The following ZFC3H1 variants were observed in gnomAD, a reference collection of about 807,000 sequenced individuals.
ZFC3H1 encodes the protein zinc finger C3H1-type containing.
ZFC3H1 carries 71 observed loss-of-function variants against 243.7 expected under a neutral mutation model. The observed-to-expected ratio is 0.29, with a 90% CI of 0.24 to 0.36. The LOEUF (loss-of-function observed/expected upper bound fraction) is 0.36, where lower values mean the gene tolerates loss of function less well. Ranked by LOEUF, ZFC3H1 falls within the 10% of genes least tolerant of loss-of-function variation. The pLI is 1.00. For synonymous variants in ZFC3H1, 838 were observed against 813.0 expected, an observed-to-expected ratio of 1.03 and a Z score of -0.52; for missense variants, 1,966 against 2,317.1, an observed-to-expected ratio of 0.85 and a Z score of 3.11.
At chr12:71,637,099 A>G (rs770257581) in intron 7 of ZFC3H1, 40 bp from the exon 8 acceptor site, 5 of 1,520,180 alleles carry the variant, frequency 3.3e-6, no homozygotes, top group Non-Finnish European at 4.5e-6. Context: ...CGCAAATTTT[A>G]TCAACTCAAA....
At position 71,611,875 on chromosome 12, in the gene ZFC3H1, A is replaced by G. The variant is rs764096205; in HGVS notation, c.5640T>C (p.His1880=). The G allele has an allele frequency of 2.5e-6, 4 of 1,599,128 alleles. No homozygotes were observed. In the African/African-American group the frequency reaches 4.1e-5, roughly 16 times the overall value. Residue 1880 remains histidine (H), a synonymous_variant, in exon 32 of 35, where the codon CAT becomes CAC. Transcript: ENST00000378743. ...NSGLALRLLQ[H]EWEESNVQIL... ...TCTGAACATTGCTTTCTTCCCATTC[A>G]TGTTGAAGTAACCTGTAAAGTACAT...
At chr12:71,662,206 A>G (rs534004324) in intron 1 of ZFC3H1, among the ~76,000 whole-genome samples, 2 of 152,352 alleles carry the variant, frequency 1.3e-5, no homozygotes, top group Admixed American at 1.3e-4. Flanking sequence ...AAAACTGAGA[A>G]TAAGGTTAGA....
At chr12:71,610,954 G>C in intron 33 of ZFC3H1, 104 bp downstream of exon 33, 2 of 1,530,412 alleles carry the variant, frequency 1.3e-6, no homozygotes, top group Non-Finnish European at 1.8e-6. Flanking sequence ...TAGTGTGCAT[G>C]AAATGTTAAC....
At chr12:71,610,630 G>A (rs1879745326) in intron 34 of ZFC3H1, 65 bp from the exon 35 acceptor site, 1 of 1,612,068 alleles carries the variant, frequency 6.2e-7, no homozygotes, top group Admixed American at 1.7e-5. Context: ...CACATCAATG[G>A]ATATGGCACA....
Position 71,623,275 on chromosome 12 carries a change from C to A in ZFC3H1, c.4744+85G>T, listed in dbSNP as rs182639027. 4.1e-3 allele frequency: 4,758 copies of A among 1,155,702 alleles called. 15 individuals carry two copies. The highest frequency in any genetic ancestry group is 9.2e-3 in the Middle Eastern group (35 of 3,796). 71.6% of individuals were successfully genotyped at this position (1,155,702 alleles called of 1,614,324 possible). ...GATATAAATTTGTTCCACTTAATTACAGAGAATCACAATAATGGGTAGTTA... is the reference window on the plus strand; with the variant it reads ...GATATAAATTTGTTCCACTTAATTAAAGAGAATCACAATAATGGGTAGTTA... On this transcript the variant is annotated intron_variant, in intron 24 of 34. Transcript: ENST00000378743.
Position 71,613,297 on chromosome 12 carries a change from T to C in ZFC3H1, c.5627+38A>G, listed in dbSNP as rs141387439. 3.0e-5 allele frequency: 44 copies of C among 1,446,068 alleles called. No individual in the cohort carries two copies. The Middle Eastern group carries it at 1.1e-3, about 35-fold the overall frequency. 89.6% of individuals were successfully genotyped at this position (1,446,068 alleles called of 1,614,324 possible). A position where few individuals can be genotyped will look rare whatever the true frequency, so the allele number is the denominator to read the frequency against. ...AATCTTATATAAAGAGCCTATTCCA[T>C]TAGGCAGAGGACCAAAAGAATGTTA... On this transcript the variant is annotated intron_variant, in intron 31 of 34. Coordinates refer to ENST00000378743, the MANE Select transcript of ZFC3H1 (RefSeq NM_144982.5).
At position 71,636,543 on chromosome 12, in the gene ZFC3H1, T is replaced by C; in HGVS notation, c.2047A>G (p.Ile683Val). The change falls in exon 9 of 35, where the codon ATA becomes GTA. Residue 683 changes from isoleucine (I) to valine (V), a missense_variant. Ile to Val is a conservative substitution (Grantham distance 29). Coordinates refer to ENST00000378743, the MANE Select transcript of ZFC3H1 (RefSeq NM_144982.5). The stretch of plus-strand genomic sequence containing the variant: ...CCTCTGTGAAACTTTGGATTCTGTA[T>C]CCTAGGCTGAGACACTGTGTTAATA... ...VSINTVSQPR[I>V]QNPKFHRGPR... 6.2e-7 allele frequency: 1 copy of C among 1,613,200 alleles called. No homozygotes were observed. The highest frequency in any genetic ancestry group is 8.5e-7 in the Non-Finnish European group (1 of 1,179,524).
chr12:71,644,091 T>C lies in ZFC3H1; in HGVS notation c.1503+4A>G, dbSNP rs761389223. 6.2e-7 allele frequency: 1 copy of C among 1,607,502 alleles called. No individual in the cohort carries two copies. Among genetic ancestry groups the C allele is most frequent in the Non-Finnish European group, 8.5e-7 (1 of 1,176,864 alleles). On this transcript the variant is annotated splice_donor_region_variant and intron_variant, in intron 5 of 34. Coordinates refer to ENST00000378743, the MANE Select transcript of ZFC3H1 (RefSeq NM_144982.5). ...TTTTGATTTTATATTTTTGCATTTC[T>C]TACTTTACTTCTTGATCTCCTCTTG... is the stretch of plus-strand genomic sequence containing the variant.
In ZFC3H1 at chr12:71,624,123, C is replaced by G. The variant is rs546632264; in HGVS notation, c.4487G>C (p.Ser1496Thr). The part of the protein sequence containing the change: ...QLHIFTGRCQ[S>T]ALAILQNALK... ...GCTTACCTGTAAAATTGCCAGTGCACTTTGGCATCTTCCAGTAAATATGTG... is the reference window on the plus strand; with the variant it reads ...GCTTACCTGTAAAATTGCCAGTGCAGTTTGGCATCTTCCAGTAAATATGTG... Residue 1496 changes from serine (S) to threonine (T), a missense_variant, in exon 23 of 35, where the codon AGT becomes ACT. Around this residue, in one of 4 missense-constraint regions of ZFC3H1, gnomAD observed 1,383 missense variants for 1,723.7 expected, o/e 0.80. Coordinates refer to ENST00000378743, the MANE Select transcript of ZFC3H1 (RefSeq NM_144982.5). 1.9e-6 allele frequency: 3 copies of G among 1,612,148 alleles called. No homozygotes were observed. The highest frequency in any genetic ancestry group is 2.7e-5 in the African/African-American group (2 of 74,818).
Position 71,644,985 on chromosome 12 carries a change from G to C in ZFC3H1, c.1171C>G (p.Gln391Glu). 6.2e-7 allele frequency: 1 copy of C among 1,613,640 alleles called. No individual in the cohort carries two copies. Among genetic ancestry groups the C allele is most frequent in the Non-Finnish European group, 8.5e-7 (1 of 1,179,994 alleles). ...SASKKWQQKE[Q>E]QVMKESKEKL... is the part of the protein sequence containing the mutation. ...TCTTTGCTTTCTTTCATCACCTGCTGTTCTTTTTGTTGCCATTTTTTACTG... is the reference window on the plus strand; with the variant it reads ...TCTTTGCTTTCTTTCATCACCTGCTCTTCTTTTTGTTGCCATTTTTTACTG... The change falls in exon 4 of 35, where the codon CAG becomes GAG. Residue 391 changes from glutamine (Q) to glutamate (E), a missense_variant. Gln to Glu is a conservative substitution (Grantham distance 29). Coordinates refer to ENST00000378743, the MANE Select transcript of ZFC3H1 (RefSeq NM_144982.5).
chr12:71,634,574 G>T, intron 11 of ZFC3H1, 130 bp downstream of exon 11: 1 of 1,137,776 alleles, frequency 8.8e-7, no homozygotes, highest in Non-Finnish European at 1.2e-6. Context: ...TTCTGTGTGA[G>T]TTATAAAACA....
chr12:71,624,077 C>T (rs770337949), intron 23 of ZFC3H1, 27 bp downstream of exon 23: 2 of 1,576,026 alleles, frequency 1.3e-6, no homozygotes, highest in African/African-American at 2.7e-5. Flanking sequence ...CTGCAAAATG[C>T]AATTAAATGC....
intron 32 of ZFC3H1, 137 bp from the exon 33 acceptor site, chr12:71,611,234 G>A: frequency 2.4e-6 from 2 of 850,322 alleles, no homozygotes; most frequent in African/African-American, 1.8e-5. Flanking sequence ...AAAGTTAACA[G>A]GCTAAACTTC....
At chr12:71,610,893 A>G (rs1463323313) in intron 33 of ZFC3H1, 136 bp from the exon 34 acceptor site, 1 of 1,410,790 alleles carries the variant, frequency 7.1e-7, no homozygotes, top group South Asian at 1.3e-5. Context: ...GAGTTTCCGA[A>G]TATTTGGTAC....
intron 2 of ZFC3H1, 27 bp downstream of exon 2, chr12:71,656,858 A>G: frequency 6.3e-7 from 1 of 1,577,460 alleles, no homozygotes; most frequent in Non-Finnish European, 8.6e-7. Flanking sequence ...AAGAGTCATT[A>G]CTAACTGAAA....
At chr12:71,656,634 T>C in intron 2 of ZFC3H1, 1 of 596,684 alleles carries the variant, frequency 1.7e-6, no homozygotes. Context: ...GAAACAAAGG[T>C]GTCCACTATT....
At position 71,623,049 on chromosome 12, in the gene ZFC3H1, T is replaced by C. The variant is rs375154778; in HGVS notation, c.4744+311A>G. Among the ~76,000 whole-genome samples the C allele has an allele frequency of 1.7e-3, 264 of 151,396 alleles. 1 individual carries two copies. The highest frequency in any genetic ancestry group is 6.2e-3 in the African/African-American group (255 of 41,386). ...ACTGCTAAAAAAAAAAAAAAGTACC[T>C]AGTTCTCTGATTTAATCAATTCATC... On this transcript the variant is annotated intron_variant, in intron 24 of 34. Coordinates refer to ENST00000378743, the MANE Select transcript of ZFC3H1 (RefSeq NM_144982.5).
chr12:71,615,990 TAAAA>T (rs1206025064), intron 27 of ZFC3H1, among the ~76,000 whole-genome samples: 2 of 151,814 alleles, frequency 1.3e-5, no homozygotes, highest in African/African-American at 4.8e-5. Flanking sequence ...ACTTTCTTGT[TAAAA>T]AAAAGATTTA....
At chr12:71,612,649 C>A (rs1376202463) in intron 31 of ZFC3H1, among the ~76,000 whole-genome samples, 4 of 152,104 alleles carry the variant, frequency 2.6e-5, no homozygotes, top group Non-Finnish European at 5.9e-5. Flanking sequence ...GGGAACATTT[C>A]ATAAATATTT....
Sources: allele counts gnomAD v4.1 joint callset (sites outside exome capture counted in the v4.1 genomes callset), GRCh38; gene constraint gnomAD v4.1.1; regional missense constraint gnomAD v4.1.1; transcripts MANE v1.5; gene names NCBI Gene and HGNC (gene_info 2026-07-23, HGNC 2026-07-21).